PYY: variants seen among roughly 807,000 people sequenced by gnomAD.
The protein encoded by PYY is peptide tyrosine tyrosine.
Under a neutral mutation model 10.3 loss-of-function variants are expected in PYY, and 12 were observed. The observed-to-expected ratio is 1.17, with a 90% CI of 0.75 to 1.89. PYY has a LOEUF of 1.89. Among genes scored for constraint, PYY ranks in the 40% most tolerant of loss-of-function variants. The probability of loss-of-function intolerance (pLI) is 0.00; values close to 1 mark genes in which losing one functional copy is unlikely to be tolerated. For synonymous variants in PYY, 66 were observed against 62.0 expected (o/e 1.06, Z -0.30); for missense variants, 141 against 134.0 (o/e 1.05, Z -0.26).
At chr17:43,962,068 C>T (rs2143901543) in intron 2 of PYY, among the ~76,000 whole-genome samples, 1 of 152,292 alleles carries the variant, frequency 6.6e-6, no homozygotes, top group African/African-American at 2.4e-5. Flanking sequence ...TTTTCCCCTT[C>T]TTCTCTTACA....
intron 2 of PYY, among the ~76,000 whole-genome samples, chr17:43,963,800 T>C (rs2048736179): frequency 7.8e-6 from 1 of 128,462 alleles, no homozygotes; most frequent in Admixed American, 8.5e-5. Context: ...AGACCCTATT[T>C]CTACCAAAAA....
At chr17:43,985,059 TA>T (rs1462851250) in intron 1 of PYY, among the ~76,000 whole-genome samples, 1 of 152,054 alleles carries the variant, frequency 6.6e-6, no homozygotes. Flanking sequence ...CTCTGTATAA[TA>T]AAAAACTAAA....
chr17:43,969,637 G>A (rs576747729), intron 1 of PYY, among the ~76,000 whole-genome samples: 38 of 151,748 alleles, frequency 2.5e-4, no homozygotes, highest in African/African-American at 8.7e-4. Flanking sequence ...GGTATCTCAC[G>A]CCTATAATTC....
chr17:43,980,846 G>A (rs747820144), intron 1 of PYY, among the ~76,000 whole-genome samples: 2 of 152,076 alleles, frequency 1.3e-5, no homozygotes, highest in African/African-American at 2.4e-5. Flanking sequence ...GTGTTGTTGT[G>A]TGTACAGTTT....
intron 1 of PYY, chr17:44,004,248 C>G (rs1405993524): frequency 6.5e-6 from 1 of 154,328 alleles, no homozygotes; most frequent in African/African-American, 2.5e-5. Flanking sequence ...CCCACTGCCC[C>G]CCTTCTTCTA....
At chr17:43,993,322 T>C (rs948859437) in intron 1 of PYY, among the ~76,000 whole-genome samples, 1 of 151,654 alleles carries the variant, frequency 6.6e-6, no homozygotes, top group African/African-American at 2.4e-5. Context: ...TAGCCGGGCG[T>C]GGTGGTGGTG....
chr17:43,986,769 C>T (rs551861440), intron 1 of PYY, among the ~76,000 whole-genome samples: 2 of 152,346 alleles, frequency 1.3e-5, no homozygotes, highest in South Asian at 4.1e-4. Flanking sequence ...CCTGCGTGTT[C>T]CTGCCCTCTG....
intron 1 of PYY, among the ~76,000 whole-genome samples, chr17:43,967,904 A>C (rs1164438480): frequency 4.6e-5 from 7 of 152,136 alleles, no homozygotes; most frequent in Admixed American, 3.3e-4. Flanking sequence ...TCAACAGGAG[A>C]AATGCTCGTT....
intron 1 of PYY, among the ~76,000 whole-genome samples, chr17:43,979,171 G>GGCAGCA (rs928833886): frequency 6.6e-6 from 1 of 152,146 alleles, no homozygotes; most frequent in Non-Finnish European, 1.5e-5. Flanking sequence ...TTTCCAGATT[G>GGCAGCA]GCAGCAGCAG....
intron 1 of PYY, among the ~76,000 whole-genome samples, chr17:44,002,198 C>T (rs1287364117): frequency 6.6e-6 from 1 of 152,070 alleles, no homozygotes; most frequent in Non-Finnish European, 1.5e-5. Context: ...AGTCTCCCCC[C>T]CGGGACAGTG....
chr17:43,986,669 G>GA (rs2048917704), intron 1 of PYY, among the ~76,000 whole-genome samples: 1 of 152,040 alleles, frequency 6.6e-6, no homozygotes, highest in Non-Finnish European at 1.5e-5. Context: ...AGATATTGGG[G>GA]AAAAAAACAC....
chr17:43,999,999 G>A (rs544677234), intron 1 of PYY, among the ~76,000 whole-genome samples: 44 of 152,138 alleles, frequency 2.9e-4, no homozygotes, highest in African/African-American at 1.0e-3. Flanking sequence ...TATGTTTTCC[G>A]AGAGCTTCCT....
At chr17:43,988,030 CA>C (rs1333589153) in intron 1 of PYY, among the ~76,000 whole-genome samples, 1 of 152,114 alleles carries the variant, frequency 6.6e-6, no homozygotes, top group East Asian at 1.9e-4. Context: ...TCCAATCACC[CA>C]GGGCCACAGC....
chr17:43,968,975 GCA>G (rs2048771831), intron 1 of PYY, among the ~76,000 whole-genome samples: 1 of 151,542 alleles, frequency 6.6e-6, no homozygotes, highest in South Asian at 2.1e-4. Flanking sequence ...AGGCATGGGG[GCA>G]TGCGCCTGTA....
intron 1 of PYY, among the ~76,000 whole-genome samples, chr17:43,972,732 T>C (rs1053505391): frequency 6.6e-6 from 1 of 152,008 alleles, no homozygotes; most frequent in Non-Finnish European, 1.5e-5. Flanking sequence ...TGTTTTGTTT[T>C]TTTGAGACAG....
chr17:43,967,366 G>T (rs2048761795), intron 1 of PYY, among the ~76,000 whole-genome samples: 1 of 152,156 alleles, frequency 6.6e-6, no homozygotes, highest in African/African-American at 2.4e-5. Context: ...CACACACTGT[G>T]CAGGTTAGAG....
intron 2 of PYY, among the ~76,000 whole-genome samples, chr17:43,963,694 A>G (rs1647694840): frequency 6.6e-6 from 1 of 151,992 alleles, no homozygotes; most frequent in South Asian, 2.1e-4. Context: ...GACCAGGTGC[A>G]GTGGCTCACG....
In PYY at chr17:43,953,462, A is replaced by G. The variant is rs780036829; in HGVS notation, c.22T>C (p.Trp8Arg). Residue 8 changes from tryptophan to arginine, a missense_variant, in exon 2 of 4, where the codon TGG (tryptophan) becomes CGG (arginine). Physicochemically the swap from Trp to Arg is moderately radical, Grantham distance 101. Transcript: ENST00000692052. MVFVRRP[W>R]PALTTVLLAL... ...AGAAGCACTGTGGTCAAGGCGGGCCACGGCCTGCGCACGAACACCATCTGG... is the reference window on the plus strand; with the variant it reads ...AGAAGCACTGTGGTCAAGGCGGGCCGCGGCCTGCGCACGAACACCATCTGG... The G allele has an allele frequency of 1.0e-5, 16 of 1,605,224 alleles. No homozygotes were observed. Among genetic ancestry groups the G allele is most frequent in the Non-Finnish European group, 8.5e-7 (1 of 1,175,132 alleles).
At position 43,981,409 on chromosome 17, in the gene PYY, T is replaced by A. The variant is rs775634316; in HGVS notation, c.-462-14877A>T. On this transcript the variant is annotated intron_variant, in intron 1 of 6. Transcript: ENST00000360085. ...GTTTGTCTTTTCATTTTAGTCATTC[T>A]GGTGGATGGGTGGTGGTATCTCACT... Among the ~76,000 whole-genome samples the A allele has an allele frequency of 5.0e-4, 76 of 152,250 alleles. 1 individual carries two copies. The highest frequency in any genetic ancestry group is 1.6e-3 in the Admixed American group (25 of 15,270).
Sources: allele counts gnomAD v4.1 joint callset (sites outside exome capture counted in the v4.1 genomes callset), GRCh38; gene constraint gnomAD v4.1.1; transcripts MANE v1.5; gene names NCBI Gene and HGNC (gene_info 2026-07-23, HGNC 2026-07-21).